Variants in DPP10 observed in about 807,000 individuals in gnomAD.
DPP10 encodes inactive dipeptidyl peptidase 10.
A neutral mutation model predicts 120.9 loss-of-function variants in DPP10; 33 were observed. The ratio of observed to expected loss-of-function variants is 0.27; its 90% CI spans 0.21 to 0.37. The LOEUF (loss-of-function observed/expected upper bound fraction) is 0.37, where lower values mean the gene tolerates loss of function less well. Among genes scored for constraint, DPP10 ranks in the 10% least tolerant of loss-of-function variants. The pLI, the probability that DPP10 is intolerant of heterozygous loss-of-function variation, is 1.00. For missense variants in DPP10, 816 were observed against 942.8 expected (o/e 0.87, Z 1.76); for synonymous variants, 337 against 326.1 (o/e 1.03, Z -0.36).
intron 2 of DPP10, among the ~76,000 whole-genome samples, chr2:115,321,445 C>G (rs962085448): frequency 2.6e-5 from 4 of 151,158 alleles, no homozygotes; most frequent in Non-Finnish European, 4.4e-5. Context: ...TCGCTGCTTG[C>G]AGGATCCTAT....
At chr2:115,311,767 TA>T (rs1448234930) in intron 2 of DPP10, among the ~76,000 whole-genome samples, 2 of 152,148 alleles carry the variant, frequency 1.3e-5, no homozygotes, top group East Asian at 3.9e-4. Flanking sequence ...TTTATTTATT[TA>T]TTTATGTTTT....
intron 2 of DPP10, among the ~76,000 whole-genome samples, chr2:115,320,739 G>A (rs565176909): frequency 1.3e-5 from 2 of 152,082 alleles, no homozygotes; most frequent in East Asian, 3.9e-4. Flanking sequence ...ATATAAAGAT[G>A]AGTCACAAGC....
chr2:114,856,580 G>T (rs182100332), intron 1 of DPP10, among the ~76,000 whole-genome samples: 1 of 152,238 alleles, frequency 6.6e-6, no homozygotes, highest in African/African-American at 2.4e-5. Flanking sequence ...TACTGCTTGT[G>T]CTATAGATTT....
At chr2:114,626,814 G>A (rs1224317164) in intron 1 of DPP10, among the ~76,000 whole-genome samples, 1 of 151,986 alleles carries the variant, frequency 6.6e-6, no homozygotes, top group Non-Finnish European at 1.5e-5. Flanking sequence ...GTGAAATTTT[G>A]CGTGTGATTT....
chr2:115,052,319 A>G (rs571198017), intron 1 of DPP10, among the ~76,000 whole-genome samples: 31 of 152,202 alleles, frequency 2.0e-4, no homozygotes, highest in Non-Finnish European at 4.0e-4. Flanking sequence ...AAAGAAAAAA[A>G]TGGTAAACTA....
chr2:115,381,667 T>C (rs2066369699), intron 3 of DPP10, among the ~76,000 whole-genome samples: 1 of 152,198 alleles, frequency 6.6e-6, no homozygotes, highest in Non-Finnish European at 1.5e-5. Flanking sequence ...CTCTGGTTTT[T>C]CCCCATCTTT....
At chr2:115,556,401 T>C (rs1415069333) in intron 5 of DPP10, among the ~76,000 whole-genome samples, 4 of 143,122 alleles carry the variant, frequency 2.8e-5, no homozygotes, top group Non-Finnish European at 6.0e-5. Flanking sequence ...CTATCGTTAG[T>C]GTTAGTGTAT....
At chr2:115,018,088 G>A (rs900968505) in intron 1 of DPP10, among the ~76,000 whole-genome samples, 6 of 151,824 alleles carry the variant, frequency 4.0e-5, no homozygotes, top group South Asian at 4.2e-4. Context: ...ACATTTATGC[G>A]GCCAACAAAC....
At chr2:114,983,670 G>A (rs1006786561) in intron 1 of DPP10, among the ~76,000 whole-genome samples, 1 of 152,150 alleles carries the variant, frequency 6.6e-6, no homozygotes, top group Admixed American at 6.5e-5. Flanking sequence ...CTGCCAAGTA[G>A]ACTGAACAAC....
intron 3 of DPP10, among the ~76,000 whole-genome samples, chr2:115,398,975 CTTTTT>C (rs748391486): frequency 6.6e-6 from 1 of 151,968 alleles, no homozygotes. Context: ...AGAGAGCACA[CTTTTT>C]TTTAAGTTAC....
chr2:114,591,829 G>A (rs1217323445), intron 1 of DPP10, among the ~76,000 whole-genome samples: 6 of 151,906 alleles, frequency 3.9e-5, no homozygotes, highest in African/African-American at 1.2e-4. Flanking sequence ...CTACAGGGGT[G>A]AGCCACTGCA....
At chr2:115,003,260 A>G (rs1434283195) in intron 1 of DPP10, among the ~76,000 whole-genome samples, 1 of 152,026 alleles carries the variant, frequency 6.6e-6, no homozygotes, top group Non-Finnish European at 1.5e-5. Context: ...CAAACAAACA[A>G]AGGAACAAAA....
chr2:115,716,328 C>G (rs2092491863), intron 7 of DPP10, among the ~76,000 whole-genome samples: 1 of 151,940 alleles, frequency 6.6e-6, no homozygotes, highest in Non-Finnish European at 1.5e-5. Context: ...CTTTTCAGCC[C>G]CAAATTAAAA....
At chr2:115,623,785 A>T (rs2085156699) in intron 5 of DPP10, among the ~76,000 whole-genome samples, 1 of 152,176 alleles carries the variant, frequency 6.6e-6, no homozygotes, top group Non-Finnish European at 1.5e-5. Context: ...TATGCATTGC[A>T]TATCTCTAGC....
intron 1 of DPP10, among the ~76,000 whole-genome samples, chr2:114,744,771 G>GTTTT (rs917612188): frequency 6.6e-6 from 1 of 150,566 alleles, no homozygotes; most frequent in Non-Finnish European, 1.5e-5. Flanking sequence ...TGCCTAATTT[G>GTTTT]TTTTTTTTTA....
At chr2:115,234,138 A>G (rs1205470294) in intron 1 of DPP10, among the ~76,000 whole-genome samples, 2 of 152,020 alleles carry the variant, frequency 1.3e-5, no homozygotes, top group Non-Finnish European at 2.9e-5. Flanking sequence ...TGTTTATTAT[A>G]TTTTTTCTGC....
chr2:115,207,459 C>T (rs1001436147), intron 1 of DPP10, among the ~76,000 whole-genome samples: 1 of 127,578 alleles, frequency 7.8e-6, no homozygotes, highest in Non-Finnish European at 1.6e-5. Context: ...TTTCTCCTGG[C>T]TTGAGTGATT....
At chr2:114,768,454 A>C (rs1001117966) in intron 1 of DPP10, among the ~76,000 whole-genome samples, 1 of 152,210 alleles carries the variant, frequency 6.6e-6, no homozygotes, top group Non-Finnish European at 1.5e-5. Flanking sequence ...ATATATGCTG[A>C]ATAATGTTTC....
chr2:115,646,073 C>G (rs2087223551), intron 5 of DPP10, among the ~76,000 whole-genome samples: 1 of 152,106 alleles, frequency 6.6e-6, no homozygotes, highest in African/African-American at 2.4e-5. Flanking sequence ...CACGCACATG[C>G]ACATACACAT....
Sources: gnomAD v4.1 joint callset for allele counts (sites outside exome capture counted in the v4.1 genomes callset) on GRCh38, gnomAD v4.1.1 for gene constraint, MANE v1.5 for transcripts, NCBI Gene and HGNC (gene_info 2026-07-23, HGNC 2026-07-21) for gene names.